CSPG4: variants seen among roughly 807,000 people sequenced by gnomAD.
The protein encoded by CSPG4 is chondroitin sulfate proteoglycan 4 (melanoma-associated).
A neutral mutation model predicts 139.3 loss-of-function variants in CSPG4; 74 were observed. The observed-to-expected ratio is 0.53, with a 90% confidence interval of 0.44 to 0.64. The LOEUF (loss-of-function observed/expected upper bound fraction) is 0.64, where lower values mean the gene tolerates loss of function less well. Among genes scored for constraint, CSPG4 ranks in the 30% least tolerant of loss-of-function variants. CSPG4 has a pLI of 0.00. For missense variants in CSPG4, 2,565 were observed against 3,148.3 expected (o/e 0.81, Z 4.43); for synonymous variants, 1,234 against 1,394.2 (o/e 0.89, Z 2.56).
chr15:75,676,968 TG>T lies in CSPG4; in HGVS notation c.5550del (p.Ile1851SerfsTer6). 1 of 1,495,102 alleles carries T rather than the reference TG, an allele frequency of 6.7e-7. No homozygotes were observed. 92.6% of individuals were successfully genotyped at this position (1,495,102 alleles called of 1,614,324 possible). A position where few individuals can be genotyped will look rare whatever the true frequency, so the allele number is the denominator to read the frequency against. On this transcript the variant is annotated frameshift_variant, in exon 10 of 10. Transcript: ENST00000308508. LOFTEE classifies it low-confidence loss of function (END_TRUNC). ...ACCACACTCAGCTGGGCCCGGGAGA[TG>T]GGGGCACGAGAGCCTCGGGTGAGCC... Reference protein sequence around the residue: ...PLRLTRGSRAPISRAQLSVVD... With the variant: ...PLRLTRGSRAXISRAQLSVVD...
At chr15:75,682,802 C>T (rs768978972) in intron 6 of CSPG4, 41 bp downstream of exon 6, 133 of 1,606,566 alleles carry the variant, frequency 8.3e-5, no homozygotes, top group Non-Finnish European at 1.1e-4. Flanking sequence ...AGGGCACCCC[C>T]GTGGGCAGCA....
At position 75,676,437 on chromosome 15, in the gene CSPG4, C is replaced by T. The variant is rs1317051780; in HGVS notation, c.6082G>A (p.Ala2028Thr). Residue 2028 changes from alanine to threonine, a missense_variant, in exon 10 of 10, where the codon GCA (alanine) becomes ACA (threonine). This residue lies in a region of CSPG4 where 2,316 missense variants were observed against 2,818.2 expected (regional missense o/e 0.82). Transcript: ENST00000308508. Reference protein sequence around the residue: ...SSSHDHFRVLALARGVNASAV... With the variant: ...SSSHDHFRVLTLARGVNASAV... ...GATGCATTGACACCCCTAGCCAGTG[C>T]CAGGACTCTGAAGTGGTCATGAGAG... is the stretch of plus-strand genomic sequence containing the variant. 2 of 1,613,892 alleles carry T rather than the reference C, an allele frequency of 1.2e-6. No individual in the cohort carries two copies. Among genetic ancestry groups the T allele is most frequent in the African/African-American group, 1.3e-5 (1 of 74,948 alleles).
At chr15:75,678,200 C>T (rs962362802) in intron 8 of CSPG4, among the ~76,000 whole-genome samples, 3 of 152,222 alleles carry the variant, frequency 2.0e-5, no homozygotes, top group Non-Finnish European at 2.9e-5. Context: ...CTCTTGTGCA[C>T]AGGATCCTAT....
rs756194149 is a variant in CSPG4, at chr15:75,677,294, C to T, written c.5225G>A (p.Arg1742His). ...NLLASVPSPQ[R>H]SEHDVLFQVT... ...CTGGAAGAGCACATCATGCTCTGAG[C>T]GCTGGGGTGATGGAACGCTGGCCAA... The change falls in exon 10 of 10, where the codon CGC becomes CAC. Residue 1742 changes from arginine (R) to histidine (H), a missense_variant. Arg to His is a conservative substitution (Grantham distance 29). Around this residue, in one of 5 missense-constraint regions of CSPG4, gnomAD observed 2,316 missense variants for 2,818.2 expected, o/e 0.82. Coordinates refer to ENST00000308508, the MANE Select transcript of CSPG4 (RefSeq NM_001897.5). 21 of 1,459,334 alleles carry T rather than the reference C, an allele frequency of 1.4e-5. No homozygotes were observed. The South Asian group carries it at 1.6e-4, about 11-fold the overall frequency. 90.4% of individuals were successfully genotyped at this position (1,459,334 alleles called of 1,614,324 possible). A position where few individuals can be genotyped will look rare whatever the true frequency, so the allele number is the denominator to read the frequency against.
rs2141419875 is a variant in CSPG4 at position 75,676,194 on chromosome 15, G to C, written c.6325C>G (p.Leu2109Val). The change falls in exon 10 of 10, where the codon CTG becomes GTG. Residue 2109 changes from leucine (L) to valine (V), a missense_variant. By Grantham distance (32) the Leu-to-Val change is conservative. Transcript: ENST00000308508. ...TCCTGCTGAGTGAACTGCTCCACCA[G>C]CTGGCTGCCCCCGGGCTCCGTCCTG... ...RARTEPGGSQ[L>V]VEQFTQQDLE... 1 of 1,551,006 alleles carries C rather than the reference G, an allele frequency of 6.4e-7. No individual in the cohort carries two copies.
intron 8 of CSPG4, 83 bp downstream of exon 8, chr15:75,682,210 T>G: frequency 2.7e-6 from 4 of 1,498,480 alleles, no homozygotes; most frequent in Non-Finnish European, 3.7e-6. Flanking sequence ...GGAGCTGGCA[T>G]CCATGTCCAC....
intron 3 of CSPG4, among the ~76,000 whole-genome samples, chr15:75,686,124 C>T (rs1487682354): frequency 1.3e-5 from 2 of 152,200 alleles, no homozygotes; most frequent in African/African-American, 4.8e-5. Context: ...TGTTAATGCC[C>T]ACCCCACACA....
At chr15:75,684,387 A>T (rs1894022866) in intron 5 of CSPG4, among the ~76,000 whole-genome samples, 2 of 152,230 alleles carry the variant, frequency 1.3e-5, no homozygotes, top group Non-Finnish European at 2.9e-5. Context: ...TGAAGGTGGG[A>T]AACTTAACAG....
In CSPG4 at chr15:75,712,836, T is replaced by G. The variant is rs1596015897; in HGVS notation, c.-81A>C. ...GAGCTGAGTGGAGCGAGCGCGGCTC[T>G]GCTCCTGGGCGCGGGCCGGCTCCGG... On this transcript the variant is annotated 5_prime_UTR_variant, in exon 1 of 10. Transcript: ENST00000308508. 11 of 1,253,236 alleles carry G rather than the reference T, an allele frequency of 8.8e-6. No homozygotes were observed. In the East Asian group the frequency reaches 3.3e-4, roughly 37 times the overall value. 77.6% of individuals were successfully genotyped at this position (1,253,236 alleles called of 1,614,324 possible). A position where few individuals can be genotyped will look rare whatever the true frequency, so the allele number is the denominator to read the frequency against.
chr15:75,694,888 A>T (rs1160084101), intron 1 of CSPG4, among the ~76,000 whole-genome samples: 1 of 152,218 alleles, frequency 6.6e-6, no homozygotes, highest in Non-Finnish European at 1.5e-5. Context: ...AAAGACATTG[A>T]TTCCTAAGAG....
chr15:75,685,456 C>G lies in CSPG4; in HGVS notation c.4035G>C (p.Glu1345Asp). The change falls in exon 4 of 10, where the codon GAG (glutamate) becomes GAC (aspartate). Residue 1345 changes from glutamate to aspartate, a missense_variant. By Grantham distance (45) the Glu-to-Asp change is conservative. This residue lies in a region of CSPG4 where 2,316 missense variants were observed against 2,818.2 expected (regional missense o/e 0.82). Coordinates refer to ENST00000308508, the MANE Select transcript of CSPG4 (RefSeq NM_001897.5). ...DVASGLGAPL[E>D]GVLVELEVLP... ...GCACCTCCAGCTCCACAAGGACGCC[C>G]TCGAGGGGAGCACCCAGGCCTGAGG... is the stretch of plus-strand genomic sequence containing the variant. 1 of 1,612,396 alleles carries G rather than the reference C, an allele frequency of 6.2e-7. No individual in the cohort carries two copies. Among genetic ancestry groups the G allele is most frequent in the South Asian group, 1.1e-5 (1 of 91,018 alleles).
rs749601535 is a variant in CSPG4 at position 75,689,470 on chromosome 15, G to A, written c.1595C>T (p.Ser532Leu). 5 of 1,612,714 alleles carry A rather than the reference G, an allele frequency of 3.1e-6. No individual in the cohort carries two copies. The highest frequency in any genetic ancestry group is 1.7e-4 in the Middle Eastern group (1 of 6,056). Residue 532 changes from serine (S) to leucine (L), a missense_variant, in exon 3 of 10, where the codon TCA becomes TTA. Physicochemically the swap from Ser to Leu is moderately radical, Grantham distance 145. Transcript: ENST00000308508. ...GTATGTTTGGCCCCTCCGAAGGCATGAGGGCATGGGCACCCGAGCCGTCAC... is the reference window on the plus strand; with the variant it reads ...GTATGTTTGGCCCCTCCGAAGGCATAAGGGCATGGGCACCCGAGCCGTCAC... ...VSVTARVPMPSCLRRGQTYLL... is the reference protein window; with the variant it reads ...VSVTARVPMPLCLRRGQTYLL...
rs1248307777 is a variant in CSPG4, at chr15:75,688,169, A to G, written c.2896T>C (p.Leu966=). ...TGCTGGTAGACCAGCCGGCCACGCA[A>G]CAGGTCTTCATTGGTGAAGGATGTC... ...MVTSFTNEDL[L]RGRLVYQHDD... The change falls in exon 3 of 10, where the codon TTG becomes CTG. Residue 966 remains leucine, a synonymous_variant. Transcript: ENST00000308508. 1 of 1,612,864 alleles carries G rather than the reference A, an allele frequency of 6.2e-7. No individual in the cohort carries two copies. The highest frequency in any genetic ancestry group is 8.5e-7 in the Non-Finnish European group (1 of 1,179,862).
intron 1 of CSPG4, among the ~76,000 whole-genome samples, chr15:75,700,325 C>T (rs1466159046): frequency 6.6e-6 from 1 of 151,530 alleles, no homozygotes; most frequent in Non-Finnish European, 1.5e-5. Flanking sequence ...GGAACACACA[C>T]TCTTTCCCTT....
intron 1 of CSPG4, among the ~76,000 whole-genome samples, chr15:75,694,320 T>G (rs1193497653): frequency 6.6e-6 from 1 of 152,220 alleles, no homozygotes; most frequent in Non-Finnish European, 1.5e-5. Context: ...CCTCCCTGAC[T>G]TCCAACCCGC....
Position 75,677,064 on chromosome 15 carries a change from C to G in CSPG4, c.5455G>C (p.Glu1819Gln). ...TCCCTCACCGTGATGGCAAAGGCCT[C>G]TGAGGTTTGGGGTCCAGCCACGGAG... ...GASVAGPQTS[E>Q]AFAITVRDVN... Residue 1819 changes from glutamate (E) to glutamine (Q), a missense_variant, in exon 10 of 10, where the codon GAG becomes CAG. Glu to Gln is a conservative substitution (Grantham distance 29). Coordinates refer to ENST00000308508, the MANE Select transcript of CSPG4 (RefSeq NM_001897.5). The G allele has an allele frequency of 7.0e-7, 1 of 1,420,296 alleles. No individual in the cohort carries two copies. The highest frequency in any genetic ancestry group is 9.2e-7 in the Non-Finnish European group (1 of 1,081,268). The allele number at this position is 1,420,296 out of a possible 1,614,324, so 88.0% of individuals were successfully genotyped here. A position where few individuals can be genotyped will look rare whatever the true frequency, so the allele number is the denominator to read the frequency against.
chr15:75,685,459 G>T lies in CSPG4; in HGVS notation c.4032C>A (p.Leu1344=). The change falls in exon 4 of 10, where the codon CTC becomes CTA. Residue 1344 remains leucine (L), a synonymous_variant. Transcript: ENST00000308508. ...CCTCCAGCTCCACAAGGACGCCCTC[G>T]AGGGGAGCACCCAGGCCTGAGGCCA... The part of the protein sequence containing the change: ...LDVASGLGAP[L]EGVLVELEVL... 1 of 1,612,368 alleles carries T rather than the reference G, an allele frequency of 6.2e-7. No individual in the cohort carries two copies. The highest frequency in any genetic ancestry group is 2.2e-5 in the East Asian group (1 of 44,876).
Position 75,677,011 on chromosome 15 carries a change from C to A in CSPG4, c.5508G>T (p.Gln1836His). ...RDVNERPPQP[Q>H]ASVPLRLTRG... ...GGGTGAGCCGGAGTGGGACAGAGGC[C>A]TGTGGCTGAGGGGGCCGCTCATTTA... Residue 1836 changes from glutamine (Q) to histidine (H), a missense_variant, in exon 10 of 10, where the codon CAG becomes CAT. Gln to His is a conservative substitution (Grantham distance 24). This residue lies in a region of CSPG4 where 2,316 missense variants were observed against 2,818.2 expected (regional missense o/e 0.82). Coordinates refer to ENST00000308508, the MANE Select transcript of CSPG4 (RefSeq NM_001897.5). 1 of 1,445,298 alleles carries A rather than the reference C, an allele frequency of 6.9e-7. No individual in the cohort carries two copies. The highest frequency in any genetic ancestry group is 9.2e-7 in the Non-Finnish European group (1 of 1,092,554). 89.5% of individuals were successfully genotyped at this position (1,445,298 alleles called of 1,614,324 possible).
rs926929927 is a variant in CSPG4 at position 75,696,356 on chromosome 15, G to A, written c.89-3123C>T. Among the ~76,000 whole-genome samples the A allele has an allele frequency of 3.3e-5, 5 of 152,158 alleles. No homozygotes were observed. Among genetic ancestry groups the A allele is most frequent in the African/African-American group, 1.2e-4 (5 of 41,432 alleles). On this transcript the variant is annotated intron_variant, in intron 1 of 9. Transcript: ENST00000308508. This position sits in a 1 kb window ranked among gnomAD's most constrained non-coding sequence, Gnocchi z 4.2. Reference sequence around the variant, plus strand: ...GGTCTGGGGGCCCGTGGGAGGGGCAGGAAGAGTGCTGCGTGTATGGGTTTC... The same window carrying A: ...GGTCTGGGGGCCCGTGGGAGGGGCAAGAAGAGTGCTGCGTGTATGGGTTTC...
Sources: allele counts gnomAD v4.1 joint callset (sites outside exome capture counted in the v4.1 genomes callset), GRCh38; gene constraint gnomAD v4.1.1; regional missense constraint gnomAD v4.1.1; non-coding constraint Gnocchi (gnomAD v3.1); transcripts MANE v1.5; gene names NCBI Gene and HGNC (gene_info 2026-07-23, HGNC 2026-07-21).